The following GPD1L variants were observed in gnomAD, a reference collection of about 807,000 sequenced individuals.
GPD1L encodes the protein glycerol-3-phosphate dehydrogenase 1-like protein.
In GPD1L, 17 loss-of-function variants were observed where a neutral mutation model predicts 32.9. The ratio of observed to expected loss-of-function variants is 0.52; its 90% CI spans 0.35 to 0.78. The LOEUF is 0.78. GPD1L is among the 30% of genes least tolerant of loss of function. The pLI is 0.01. For synonymous variants in GPD1L, 187 were observed against 165.9 expected (o/e 1.13, Z -0.98); for missense variants, 361 against 447.8 (o/e 0.81, Z 1.75).
chr3:32,168,214 A>T lies in GPD1L; in HGVS notation c.*2304A>T, dbSNP rs1185828554. 1 of 152,590 alleles carries T rather than the reference A, an allele frequency of 6.6e-6. No homozygotes were observed. Among genetic ancestry groups the T allele is most frequent in the Non-Finnish European group, 1.5e-5 (1 of 68,032 alleles). The allele number at this position is 152,590 out of a possible 1,614,324, so 9.5% of individuals were successfully genotyped here. A position where few individuals can be genotyped will look rare whatever the true frequency, so the allele number is the denominator to read the frequency against. On this transcript the variant is annotated 3_prime_UTR_variant, in exon 8 of 8. Transcript: ENST00000282541. ...TATTCTGCACATTATGGAAAAAGGTAAATTTTAGAAGTTTCTGCTCTACTA... is the reference window on the plus strand; with the variant it reads ...TATTCTGCACATTATGGAAAAAGGTTAATTTTAGAAGTTTCTGCTCTACTA...
chr3:32,136,626 ACAGGCATTAGT>A (rs1020001655), intron 2 of GPD1L, among the ~76,000 whole-genome samples: 1 of 152,230 alleles, frequency 6.6e-6, no homozygotes, highest in African/African-American at 2.4e-5. Flanking sequence ...AACTCTTAGC[ACAGGCATTAGT>A]CAAGGTAATA....
chr3:32,124,652 G>A (rs887627178), intron 1 of GPD1L, among the ~76,000 whole-genome samples: 9 of 152,138 alleles, frequency 5.9e-5, no homozygotes, highest in African/African-American at 1.7e-4. Context: ...TGGGCTGGGC[G>A]CAGTGGCTCA....
chr3:32,121,781 A>ATATATATATTTCTATATATATATATAT (rs1700426446), intron 1 of GPD1L, among the ~76,000 whole-genome samples: 6 of 133,714 alleles, frequency 4.5e-5, no homozygotes, highest in African/African-American at 1.1e-4. Context: ...ATATATATAT[A>ATATATATATTTCTATATATATATATAT]TTTTTTTTAG....
At chr3:32,140,129 G>A in intron 3 of GPD1L, 99 bp from the exon 4 acceptor site, 1 of 1,198,162 alleles carries the variant, frequency 8.3e-7, no homozygotes, top group Non-Finnish European at 1.2e-6. Context: ...CTTGTAAGTA[G>A]GAGACATTTT....
rs889735867 is a variant in GPD1L at position 32,167,903 on chromosome 3, GCCA to G, written c.*1997_*1999del. On this transcript the variant is annotated 3_prime_UTR_variant, in exon 8 of 8. Coordinates refer to ENST00000282541, the MANE Select transcript of GPD1L (RefSeq NM_015141.4). ...CACTCCAAGTTTCAGCAGTTTTAGC[GCCA>G]CCATTAACCCACTTTGCTTGTCTCA... is the stretch of plus-strand genomic sequence containing the variant. 2 of 152,076 alleles carry G rather than the reference GCCA, an allele frequency of 1.3e-5. No individual in the cohort carries two copies. Among genetic ancestry groups the G allele is most frequent in the African/African-American group, 4.8e-5 (2 of 41,384 alleles). The allele number at this position is 152,076 out of a possible 1,614,324, so 9.4% of individuals were successfully genotyped here. A position where few individuals can be genotyped will look rare whatever the true frequency, so the allele number is the denominator to read the frequency against.
chr3:32,143,228 A>G (rs1253985026), intron 4 of GPD1L, among the ~76,000 whole-genome samples: 2 of 152,074 alleles, frequency 1.3e-5, no homozygotes, highest in Non-Finnish European at 2.9e-5. Flanking sequence ...AAACATTGAA[A>G]GTAAGATAGA....
chr3:32,127,321 C>G (rs1389099771), intron 1 of GPD1L, among the ~76,000 whole-genome samples: 1 of 152,220 alleles, frequency 6.6e-6, no homozygotes, highest in Non-Finnish European at 1.5e-5. Context: ...CTGACAGGCT[C>G]AGCTAGGATC....
chr3:32,111,068 G>A (rs1700239254), intron 1 of GPD1L, among the ~76,000 whole-genome samples: 1 of 152,202 alleles, frequency 6.6e-6, no homozygotes, highest in South Asian at 2.1e-4. Context: ...GTTTTGCCGT[G>A]TTGGCCAGGT....
Position 32,138,509 on chromosome 3 carries a change from G to C in GPD1L, c.226-78G>C. On this transcript the variant is annotated intron_variant, in intron 2 of 7. Coordinates refer to ENST00000282541, the MANE Select transcript of GPD1L (RefSeq NM_015141.4). ...TGCACATAGTAGGCATCTGATAAATGGTCAGTGAGTGAAACCTTGTGGACA... is the reference window on the plus strand; with the variant it reads ...TGCACATAGTAGGCATCTGATAAATCGTCAGTGAGTGAAACCTTGTGGACA... 3.8e-6 allele frequency: 5 copies of C among 1,302,566 alleles called. No homozygotes were observed. In the South Asian group the frequency reaches 4.7e-5, roughly 12 times the overall value. The allele number at this position is 1,302,566 out of a possible 1,614,324, so 80.7% of individuals were successfully genotyped here. A position where few individuals can be genotyped will look rare whatever the true frequency, so the allele number is the denominator to read the frequency against.
At chr3:32,113,973 C>T (rs1280492922) in intron 1 of GPD1L, among the ~76,000 whole-genome samples, 3 of 152,188 alleles carry the variant, frequency 2.0e-5, no homozygotes, top group Admixed American at 6.5e-5. Context: ...CCCACCTTAA[C>T]CTCCCGAGTA....
chr3:32,163,409 C>T (rs1043712132), intron 7 of GPD1L, among the ~76,000 whole-genome samples: 1 of 152,026 alleles, frequency 6.6e-6, no homozygotes, highest in Non-Finnish European at 1.5e-5. Flanking sequence ...ACCTCGTGAT[C>T]CACCTGCCTC....
At chr3:32,135,320 G>A (rs556401252) in intron 2 of GPD1L, among the ~76,000 whole-genome samples, 11 of 152,312 alleles carry the variant, frequency 7.2e-5, no homozygotes, top group South Asian at 4.1e-4. Context: ...AGGAGTGATC[G>A]GAGTTCTTGT....
At chr3:32,159,521 T>C (rs1701047025) in intron 6 of GPD1L, 47 bp from the exon 7 acceptor site, 1 of 1,087,356 alleles carries the variant, frequency 9.2e-7, no homozygotes, top group Non-Finnish European at 1.4e-6. Context: ...AATGATTCTT[T>C]AGTCTTTACC....
intron 7 of GPD1L, among the ~76,000 whole-genome samples, chr3:32,164,977 G>A (rs571542135): frequency 6.8e-4 from 103 of 152,248 alleles, no homozygotes; most frequent in African/African-American, 2.3e-3. Context: ...AGGCCGAGGT[G>A]GGTGGATCAT....
intron 2 of GPD1L, among the ~76,000 whole-genome samples, chr3:32,135,563 A>C (rs1342055433): frequency 2.6e-5 from 4 of 152,026 alleles, no homozygotes; most frequent in African/African-American, 7.2e-5. Context: ...AGTGATTCTC[A>C]TGCCTCAGCC....
Position 32,162,541 on chromosome 3 carries a change from G to A in GPD1L, c.959+2867G>A, listed in dbSNP as rs541261322. Among the ~76,000 whole-genome samples, 14 of 111,492 alleles carry A rather than the reference G, an allele frequency of 1.3e-4. 3 individuals carry two copies. Among genetic ancestry groups the A allele is most frequent in the East Asian group, 1.1e-3 (3 of 2,726 alleles). The allele number at this position is 111,492 out of a possible 152,430, so 73.1% of individuals were successfully genotyped here. ...GCTGGGACTACAGGCGCCCGCCACC[G>A]CGCCCGGCTAATTTTTTGTATTTTT... On this transcript the variant is annotated intron_variant, in intron 7 of 7. Transcript: ENST00000282541.
intron 4 of GPD1L, among the ~76,000 whole-genome samples, chr3:32,141,538 A>G (rs529973411): frequency 1.3e-5 from 2 of 152,330 alleles, no homozygotes; most frequent in African/African-American, 4.8e-5. Flanking sequence ...GCAATTCCAT[A>G]TATTTGGATA....
At chr3:32,132,824 A>C (rs1439990567) in intron 2 of GPD1L, among the ~76,000 whole-genome samples, 3 of 152,188 alleles carry the variant, frequency 2.0e-5, no homozygotes, top group Non-Finnish European at 4.4e-5. Flanking sequence ...TGTACTGGGG[A>C]ATCCAGGCGA....
At chr3:32,112,482 C>G (rs1009702584) in intron 1 of GPD1L, among the ~76,000 whole-genome samples, 9 of 152,022 alleles carry the variant, frequency 5.9e-5, no homozygotes, top group African/African-American at 2.2e-4. Context: ...AAAAAAAATA[C>G]AAAAATTAGC....
Sources: allele counts gnomAD v4.1 joint callset (sites outside exome capture counted in the v4.1 genomes callset), GRCh38; gene constraint gnomAD v4.1.1; transcripts MANE v1.5; gene names NCBI Gene and HGNC (gene_info 2026-07-23, HGNC 2026-07-21).